Variants in PTPRK observed in about 807,000 individuals in gnomAD.
The protein encoded by PTPRK is protein tyrosine phosphatase receptor type K.
A neutral mutation model predicts 178.0 loss-of-function variants in PTPRK; 75 were observed. The observed-to-expected ratio is 0.42, with a 90% confidence interval of 0.35 to 0.51. The LOEUF (loss-of-function observed/expected upper bound fraction) is 0.51, where lower values mean the gene tolerates loss of function less well. Ranked by LOEUF, PTPRK falls within the 20% of genes least tolerant of loss-of-function variation. The probability of loss-of-function intolerance (pLI) is 0.02; values close to 1 mark genes in which losing one functional copy is unlikely to be tolerated. For missense variants in PTPRK, 1,441 were observed against 1,797.8 expected (o/e 0.80, Z 3.59); for synonymous variants, 637 against 620.6 (o/e 1.03, Z -0.39).
intron 3 of PTPRK, among the ~76,000 whole-genome samples, chr6:128,298,246 C>G (rs973694913): frequency 6.6e-6 from 1 of 151,946 alleles, no homozygotes; most frequent in African/African-American, 2.4e-5. Context: ...AATAGCTTAC[C>G]AACCAAAAAG....
At chr6:128,337,882 T>C (rs1305194819) in intron 2 of PTPRK, among the ~76,000 whole-genome samples, 2 of 152,118 alleles carry the variant, frequency 1.3e-5, no homozygotes, top group African/African-American at 4.8e-5. Context: ...AGGAAGATCA[T>C]TTCAGGCAAA....
chr6:128,479,827 G>A (rs1851830805), intron 1 of PTPRK, among the ~76,000 whole-genome samples: 1 of 151,962 alleles, frequency 6.6e-6, no homozygotes, highest in Admixed American at 6.6e-5. Flanking sequence ...TCTGGTTTTT[G>A]GTTAAAATAA....
chr6:128,117,150 A>G (rs1041643898), intron 7 of PTPRK, among the ~76,000 whole-genome samples: 3 of 152,140 alleles, frequency 2.0e-5, no homozygotes, highest in Non-Finnish European at 4.4e-5. Flanking sequence ...TGTCAAAAAA[A>G]TAAAAAATAA....
At chr6:127,972,872 C>T in intron 29 of PTPRK, 150 bp downstream of exon 29, 1 of 661,892 alleles carries the variant, frequency 1.5e-6, no homozygotes, top group Non-Finnish European at 2.5e-6. Flanking sequence ...GAGGGGGATG[C>T]TCAGCAATGT....
chr6:128,362,400 G>T (rs1033784851), intron 2 of PTPRK, among the ~76,000 whole-genome samples: 3 of 152,038 alleles, frequency 2.0e-5, no homozygotes, highest in African/African-American at 7.2e-5. Context: ...AATTCAACAT[G>T]AGGTTTGGCA....
chr6:128,049,908 G>A (rs567245717), intron 13 of PTPRK, among the ~76,000 whole-genome samples: 10 of 152,142 alleles, frequency 6.6e-5, no homozygotes, highest in Admixed American at 3.3e-4. Flanking sequence ...AGGCCAAAGC[G>A]GGTGGAGCAC....
At chr6:128,084,496 A>G (rs1402146077) in intron 8 of PTPRK, among the ~76,000 whole-genome samples, 9 of 152,200 alleles carry the variant, frequency 5.9e-5, no homozygotes, top group Non-Finnish European at 1.2e-4. Flanking sequence ...TAAGAATCAA[A>G]CTAGTTTATA....
chr6:128,263,099 C>T (rs527918183), intron 3 of PTPRK, among the ~76,000 whole-genome samples: 39 of 152,140 alleles, frequency 2.6e-4, no homozygotes, highest in African/African-American at 8.2e-4. Context: ...CCCACAGGAA[C>T]GCTCCCTGGG....
chr6:128,264,623 G>C (rs1818672907), intron 3 of PTPRK, among the ~76,000 whole-genome samples: 1 of 151,870 alleles, frequency 6.6e-6, no homozygotes, highest in South Asian at 2.1e-4. Context: ...TGAATAACTG[G>C]GACTACAGGC....
intron 2 of PTPRK, among the ~76,000 whole-genome samples, chr6:128,359,870 T>C (rs1006345863): frequency 4.6e-5 from 7 of 152,232 alleles, no homozygotes; most frequent in African/African-American, 1.2e-4. Context: ...ATAGAGTGCA[T>C]GGCAATAATT....
At chr6:128,058,410 C>T (rs1780261316) in intron 13 of PTPRK, among the ~76,000 whole-genome samples, 1 of 152,180 alleles carries the variant, frequency 6.6e-6, no homozygotes, top group Non-Finnish European at 1.5e-5. Flanking sequence ...TCCTGTTGAG[C>T]ACCATTTCAT....
intron 3 of PTPRK, among the ~76,000 whole-genome samples, chr6:128,244,266 G>T (rs1444304863): frequency 1.3e-5 from 2 of 152,146 alleles, no homozygotes; most frequent in African/African-American, 4.8e-5. Context: ...AAGATTATCA[G>T]GGTAAAATAA....
chr6:128,166,482 A>C (rs895884462), intron 7 of PTPRK, among the ~76,000 whole-genome samples: 2 of 151,706 alleles, frequency 1.3e-5, no homozygotes, highest in African/African-American at 4.8e-5. Flanking sequence ...TCATTGCAAT[A>C]ATTAAATAAG....
At chr6:128,021,308 T>C (rs2114761809) in intron 13 of PTPRK, among the ~76,000 whole-genome samples, 1 of 152,280 alleles carries the variant, frequency 6.6e-6, no homozygotes, top group African/African-American at 2.4e-5. Context: ...CTCAACATCT[T>C]CCCTTGTCTA....
intron 2 of PTPRK, among the ~76,000 whole-genome samples, chr6:128,329,333 C>T (rs952048225): frequency 2.6e-5 from 4 of 150,966 alleles, no homozygotes; most frequent in East Asian, 1.9e-4. Flanking sequence ...TACCCTAGTA[C>T]GAAGGATATA....
chr6:128,118,997 C>G (rs1792013337), intron 7 of PTPRK, among the ~76,000 whole-genome samples: 1 of 152,122 alleles, frequency 6.6e-6, no homozygotes, highest in Non-Finnish European at 1.5e-5. Context: ...TTGAAAAGAA[C>G]AGTGAGAAAC....
chr6:128,192,667 G>T (rs755048110), intron 6 of PTPRK, among the ~76,000 whole-genome samples: 2 of 151,728 alleles, frequency 1.3e-5, no homozygotes, highest in Non-Finnish European at 2.9e-5. Context: ...AAAAAATACA[G>T]AAATTAGCCA....
intron 6 of PTPRK, among the ~76,000 whole-genome samples, chr6:128,217,618 T>C (rs1340954097): frequency 6.6e-6 from 1 of 152,192 alleles, no homozygotes; most frequent in Non-Finnish European, 1.5e-5. Context: ...TTGAATAATA[T>C]ATGTAAAAGA....
intron 1 of PTPRK, among the ~76,000 whole-genome samples, chr6:128,470,426 C>A (rs1051689280): frequency 6.6e-6 from 1 of 151,848 alleles, no homozygotes; most frequent in Non-Finnish European, 1.5e-5. Context: ...CAAAAGTAGT[C>A]ATGTTAAAAT....
Sources: allele counts gnomAD v4.1 joint callset (sites outside exome capture counted in the v4.1 genomes callset), GRCh38; gene constraint gnomAD v4.1.1; transcripts MANE v1.5; gene names NCBI Gene and HGNC (gene_info 2026-07-23, HGNC 2026-07-21).